EYA4: variants seen among roughly 807,000 people sequenced by gnomAD.
EYA4 encodes the protein protein phosphatase EYA4.
EYA4 carries 31 observed loss-of-function variants against 87.9 expected under a neutral mutation model. The ratio of observed to expected loss-of-function variants is 0.35; its 90% CI spans 0.27 to 0.48. The LOEUF (loss-of-function observed/expected upper bound fraction) is 0.48. Among genes scored for constraint, EYA4 ranks in the 20% least tolerant of loss-of-function variants. EYA4 has a pLI of 0.99. For missense variants in EYA4, 678 were observed against 761.4 expected (o/e 0.89, Z 1.29); for synonymous variants, 263 against 270.6 (o/e 0.97, Z 0.28).
intron 5 of EYA4, among the ~76,000 whole-genome samples, chr6:133,452,558 G>A (rs544043557): frequency 7.2e-5 from 11 of 152,268 alleles, no homozygotes; most frequent in Admixed American, 2.0e-4. Context: ...CAGTAGGGAT[G>A]AAGGTTGGGA....
At chr6:133,523,723 T>A (rs757768133) in intron 18 of EYA4, among the ~76,000 whole-genome samples, 12 of 152,140 alleles carry the variant, frequency 7.9e-5, no homozygotes, top group Non-Finnish European at 2.9e-5. Flanking sequence ...TTAGATGATA[T>A]CTGCTTGTGG....
At chr6:133,381,611 T>C (rs1786230727) in intron 2 of EYA4, among the ~76,000 whole-genome samples, 1 of 152,130 alleles carries the variant, frequency 6.6e-6, no homozygotes, top group Non-Finnish European at 1.5e-5. Flanking sequence ...TATAAATGTA[T>C]ATTGTACATT....
intron 3 of EYA4, among the ~76,000 whole-genome samples, chr6:133,436,579 ATTG>A (rs1453783186): frequency 5.3e-5 from 8 of 152,196 alleles, no homozygotes; most frequent in South Asian, 2.1e-4. Context: ...AATAGAAGCT[ATTG>A]TTGTTATTCT....
intron 1 of EYA4, among the ~76,000 whole-genome samples, chr6:133,256,952 G>A (rs944679019): frequency 6.6e-6 from 1 of 151,642 alleles, no homozygotes; most frequent in South Asian, 2.1e-4. Context: ...CAATTTTTGT[G>A]GGGTTTTTTT....
intron 19 of EYA4, among the ~76,000 whole-genome samples, chr6:133,526,429 G>A (rs928737730): frequency 7.5e-5 from 11 of 146,476 alleles, no homozygotes; most frequent in African/African-American, 2.7e-4. Flanking sequence ...AAAAGTTTAT[G>A]GCTATAAGAG....
At chr6:133,405,978 C>T (rs2128525189) in intron 3 of EYA4, among the ~76,000 whole-genome samples, 1 of 152,148 alleles carries the variant, frequency 6.6e-6, no homozygotes, top group East Asian at 1.9e-4. Flanking sequence ...GTGTAGTCAA[C>T]TGGAGAGCAG....
At chr6:133,312,978 G>A (rs1489046004) in intron 2 of EYA4, among the ~76,000 whole-genome samples, 1 of 151,966 alleles carries the variant, frequency 6.6e-6, no homozygotes, top group Non-Finnish European at 1.5e-5. Context: ...AGGGGTTTAG[G>A]ATTAAGTGTA....
At chr6:133,288,680 A>G (rs1000629373) in intron 2 of EYA4, among the ~76,000 whole-genome samples, 1 of 152,110 alleles carries the variant, frequency 6.6e-6, no homozygotes, top group Admixed American at 6.6e-5. Context: ...GTATCTGAGG[A>G]AGGGCAGAAG....
chr6:133,312,429 A>G (rs571064280), intron 2 of EYA4, among the ~76,000 whole-genome samples: 1 of 152,118 alleles, frequency 6.6e-6, no homozygotes, highest in South Asian at 2.1e-4. Flanking sequence ...GCAAGAGAAT[A>G]TGAGATCTAC....
At chr6:133,253,256 G>C (rs1775067721) in intron 1 of EYA4, among the ~76,000 whole-genome samples, 1 of 152,086 alleles carries the variant, frequency 6.6e-6, no homozygotes, top group African/African-American at 2.4e-5. Context: ...GGAGAGTTCT[G>C]CTTCATTCAT....
intron 2 of EYA4, among the ~76,000 whole-genome samples, chr6:133,331,018 A>G (rs1781899399): frequency 1.4e-5 from 2 of 144,754 alleles, no homozygotes; most frequent in Non-Finnish European, 3.0e-5. Context: ...ATTTTGTATA[A>G]CCAAACGGGT....
chr6:133,403,485 A>G (rs1310045607), intron 3 of EYA4, among the ~76,000 whole-genome samples: 1 of 152,256 alleles, frequency 6.6e-6, no homozygotes, highest in East Asian at 1.9e-4. Flanking sequence ...ACAGGGGGAA[A>G]AAATACAACT....
At chr6:133,287,705 C>G (rs1174677328) in intron 2 of EYA4, among the ~76,000 whole-genome samples, 2 of 152,066 alleles carry the variant, frequency 1.3e-5, no homozygotes, top group East Asian at 1.9e-4. Flanking sequence ...AATTTTTCGG[C>G]AAGAGATTAA....
chr6:133,467,885 A>T (rs1794985873), intron 10 of EYA4, among the ~76,000 whole-genome samples: 1 of 152,060 alleles, frequency 6.6e-6, no homozygotes, highest in African/African-American at 2.4e-5. Flanking sequence ...ATTTTTAAAT[A>T]AAAAGCAGGT....
intron 2 of EYA4, among the ~76,000 whole-genome samples, chr6:133,299,955 C>CTA (rs1016744513): frequency 4.1e-4 from 44 of 106,224 alleles, no homozygotes; most frequent in Middle Eastern, 8.5e-3. Flanking sequence ...ATCTATCTAT[C>CTA]TATATATATA....
At chr6:133,500,978 G>A (rs144796609) in intron 13 of EYA4, among the ~76,000 whole-genome samples, 93 of 152,246 alleles carry the variant, frequency 6.1e-4, no homozygotes, top group Middle Eastern at 6.8e-3. Flanking sequence ...CATACATTCA[G>A]TGGAGCACTC....
At chr6:133,255,538 T>A (rs1302108401) in intron 1 of EYA4, among the ~76,000 whole-genome samples, 1 of 152,182 alleles carries the variant, frequency 6.6e-6, no homozygotes, top group East Asian at 1.9e-4. Context: ...AAAAAGTGGA[T>A]TTACTCATTC....
chr6:133,378,904 C>T (rs1583110709), intron 2 of EYA4, among the ~76,000 whole-genome samples: 1 of 144,752 alleles, frequency 6.9e-6, no homozygotes, highest in South Asian at 2.2e-4. Context: ...CATTCATTTA[C>T]GCTATTCATC....
chr6:133,258,105 A>T (rs915605618), intron 1 of EYA4, among the ~76,000 whole-genome samples: 2 of 152,226 alleles, frequency 1.3e-5, no homozygotes, highest in African/African-American at 4.8e-5. Flanking sequence ...AGCAGTGTCT[A>T]TGGGCAGCAC....
Sources: gnomAD v4.1 joint callset for allele counts (sites outside exome capture counted in the v4.1 genomes callset) on GRCh38, gnomAD v4.1.1 for gene constraint, MANE v1.5 for transcripts, NCBI Gene and HGNC (gene_info 2026-07-23, HGNC 2026-07-21) for gene names.